TNNI3: variants seen among roughly 807,000 people sequenced by gnomAD.
The protein encoded by TNNI3 is troponin I, cardiac muscle.
Under a neutral mutation model 31.5 loss-of-function variants are expected in TNNI3, and 23 were observed. That is an observed-to-expected ratio of 0.73 (90% CI 0.52 to 1.03). The LOEUF is 1.03. Among genes scored for constraint, TNNI3 ranks in the 50% least tolerant of loss-of-function variants. The pLI is 0.00. For missense variants in TNNI3, 236 were observed against 282.9 expected, an observed-to-expected ratio of 0.83 and a Z score of 1.19; for synonymous variants, 120 against 111.7, an observed-to-expected ratio of 1.07 and a Z score of -0.47.
At position 55,154,099 on chromosome 19, in the gene TNNI3, C is replaced by A; in HGVS notation, c.480G>T (p.Gly160=). 1 of 1,613,198 alleles carries A rather than the reference C, an allele frequency of 6.2e-7. No homozygotes were observed. ...GGTCCAGGGACTCCTTAGCCCGGGC[C>A]CCCAGCAGCGCCTGCATCATGGCAT... The part of the protein sequence containing the change: ...SADAMMQALL[G]ARAKESLDLR... Residue 160 remains glycine (G), a synonymous_variant, in exon 7 of 8, where the codon GGG becomes GGT. Transcript: ENST00000344887.
intron 6 of TNNI3, 129 bp downstream of exon 6, chr19:55,154,612 G>T: frequency 3.7e-6 from 3 of 821,106 alleles, no homozygotes; most frequent in Non-Finnish European, 6.3e-6. Context: ...CCCCAGCCCT[G>T]CCAGGCTCAC....
intron 6 of TNNI3, chr19:55,154,433 G>A: frequency 1.6e-6 from 1 of 627,640 alleles, no homozygotes; most frequent in Non-Finnish European, 2.8e-6. Context: ...ACCTGGTCCA[G>A]CTACATGCAA....
chr19:55,156,370 G>T lies in TNNI3; in HGVS notation c.151-38C>A. On this transcript the variant is annotated intron_variant, in intron 4 of 7. Coordinates refer to ENST00000344887, the MANE Select transcript of TNNI3 (RefSeq NM_000363.5). The surrounding 1 kb of genome is among the most constrained non-coding windows in gnomAD (Gnocchi z 4.6). ...GGGAGGGAAGCGCAGCCCACCCGGG[G>T]CTTCAGGATAAAGACCAGGCGTGGG... The T allele has an allele frequency of 1.3e-6, 2 of 1,594,670 alleles. No individual in the cohort carries two copies. The highest frequency in any genetic ancestry group is 1.7e-6 in the Non-Finnish European group (2 of 1,171,380).
Position 55,156,266 on chromosome 19 carries a change from C to G in TNNI3, c.217G>C (p.Gly73Arg), listed in dbSNP as rs1170054667. 1.9e-6 allele frequency: 3 copies of G among 1,611,982 alleles called. No individual in the cohort carries two copies. The highest frequency in any genetic ancestry group is 4.5e-5 in the East Asian group (2 of 44,864). Residue 73 changes from glycine (G) to arginine (R), a missense_variant, in exon 5 of 8, where the codon GGG becomes CGG. By Grantham distance (125) the Gly-to-Arg change is moderately radical (BLOSUM62 -2). Coordinates refer to ENST00000344887, the MANE Select transcript of TNNI3 (RefSeq NM_000363.5). This position sits in a 1 kb window ranked among gnomAD's most constrained non-coding sequence, Gnocchi z 4.6. ...TGGCAGCGGGTGCTCAGAGCGCGCC[C>G]CTTCTCTCCGCGCCGCTCCTCCGCC... ...REAEERRGEK[G>R]RALSTRCQPL...
At position 55,157,414 on chromosome 19, in the gene TNNI3, C is replaced by G. The variant is rs1041611904; in HGVS notation, c.12-106G>C. ...ACAAGAGGTCGGGGGACCGCGCTTC[C>G]CCTTCCTTGGGTTCCAGGAGTCTGA... is the stretch of plus-strand genomic sequence containing the variant. On this transcript the variant is annotated intron_variant, in intron 1 of 7. Transcript: ENST00000344887. The surrounding 1 kb of genome is among the most constrained non-coding windows in gnomAD (Gnocchi z 6.3). 2 of 1,598,816 alleles carry G rather than the reference C, an allele frequency of 1.3e-6. No individual in the cohort carries two copies. Among genetic ancestry groups the G allele is most frequent in the Non-Finnish European group, 1.7e-6 (2 of 1,168,182 alleles).
Position 55,157,337 on chromosome 19 carries a change from T to G in TNNI3, c.12-29A>C, listed in dbSNP as rs767792444. 6.2e-7 allele frequency: 1 copy of G among 1,600,732 alleles called. No homozygotes were observed. Among genetic ancestry groups the G allele is most frequent in the Non-Finnish European group, 8.5e-7 (1 of 1,178,348 alleles). On this transcript the variant is annotated intron_variant, in intron 1 of 7. Coordinates refer to ENST00000344887, the MANE Select transcript of TNNI3 (RefSeq NM_000363.5). This position sits in a 1 kb window ranked among gnomAD's most constrained non-coding sequence, Gnocchi z 6.3. ...GAAGGAGAGAAACCAAGGAGGGGGG[T>G]TAGTGGTGGGCTGTGTCCTGTCTCC...
chr19:55,156,503 C>T lies in TNNI3; in HGVS notation c.150+100G>A. 1 of 1,523,480 alleles carries T rather than the reference C, an allele frequency of 6.6e-7. No homozygotes were observed. The highest frequency in any genetic ancestry group is 8.9e-7 in the Non-Finnish European group (1 of 1,125,068). 94.4% of individuals were successfully genotyped at this position (1,523,480 alleles called of 1,614,324 possible). ...TAAAGCCACGCCCCGAGCGGCCAAA[C>T]CCCGCCCACTTCCGCCCACCTACCC... On this transcript the variant is annotated intron_variant, in intron 4 of 7. Transcript: ENST00000344887. This position sits in a 1 kb window ranked among gnomAD's most constrained non-coding sequence, Gnocchi z 4.6.
In TNNI3 at chr19:55,156,762, A is replaced by G. The variant is rs944132276; in HGVS notation, c.109-118T>C. 1.3e-5 allele frequency: 15 copies of G among 1,197,206 alleles called. No homozygotes were observed. Among genetic ancestry groups the G allele is most frequent in the African/African-American group, 1.5e-5 (1 of 65,618 alleles). 74.2% of individuals were successfully genotyped at this position (1,197,206 alleles called of 1,614,324 possible). A position where few individuals can be genotyped will look rare whatever the true frequency, so the allele number is the denominator to read the frequency against. On this transcript the variant is annotated intron_variant, in intron 3 of 7. Transcript: ENST00000344887. The surrounding 1 kb of genome is among the most constrained non-coding windows in gnomAD (Gnocchi z 4.6). ...CGGTCCAGATTTGGGCCCACGTCCAACTTGAGCCCTGAGTCTACGGGAGGC... is the reference window on the plus strand; with the variant it reads ...CGGTCCAGATTTGGGCCCACGTCCAGCTTGAGCCCTGAGTCTACGGGAGGC...
At chr19:55,152,000 T>A in intron 7 of TNNI3, 83 bp from the exon 8 acceptor site, 3 of 1,274,556 alleles carry the variant, frequency 2.4e-6, no homozygotes, top group Non-Finnish European at 3.4e-6. Flanking sequence ...CTCCAGCCTG[T>A]GGGGCCACTC....
At position 55,156,266 on chromosome 19, in the gene TNNI3, C is replaced by T; in HGVS notation, c.217G>A (p.Gly73Arg). 6.2e-7 allele frequency: 1 copy of T among 1,611,982 alleles called. No individual in the cohort carries two copies. Among genetic ancestry groups the T allele is most frequent in the Non-Finnish European group, 8.5e-7 (1 of 1,179,660 alleles). Residue 73 changes from glycine (G) to arginine (R), a missense_variant, in exon 5 of 8, where the codon GGG becomes AGG. Gly to Arg is a moderately radical substitution (Grantham distance 125, BLOSUM62 -2). This residue lies in a region of TNNI3 where 172 missense variants were observed against 171.8 expected (regional missense o/e 1.00). Transcript: ENST00000344887. This position sits in a 1 kb window ranked among gnomAD's most constrained non-coding sequence, Gnocchi z 4.6. The part of the protein sequence containing the change: ...REAEERRGEK[G>R]RALSTRCQPL... ...TGGCAGCGGGTGCTCAGAGCGCGCCCCTTCTCTCCGCGCCGCTCCTCCGCC... is the reference window on the plus strand; with the variant it reads ...TGGCAGCGGGTGCTCAGAGCGCGCCTCTTCTCTCCGCGCCGCTCCTCCGCC...
chr19:55,154,425 C>G, intron 6 of TNNI3: 1 of 631,992 alleles, frequency 1.6e-6, no homozygotes. Context: ...CTGGCATAAC[C>G]TGGTCCAGCT....
In TNNI3 at chr19:55,157,359, C is replaced by CTGTG. The variant is rs202087239; in HGVS notation, c.12-52_12-51insCACA. On this transcript the variant is annotated intron_variant, in intron 1 of 7. Coordinates refer to ENST00000344887, the MANE Select transcript of TNNI3 (RefSeq NM_000363.5). This position sits in a 1 kb window ranked among gnomAD's most constrained non-coding sequence, Gnocchi z 6.3. ...GGGTTAGTGGTGGGCTGTGTCCTGT[C>CTGTG]TCCTAAGGGACCCCTGGAGTCCCCT... is the stretch of plus-strand genomic sequence containing the variant. 6.2e-7 allele frequency: 1 copy of CTGTG among 1,611,258 alleles called. No individual in the cohort carries two copies. The highest frequency in any genetic ancestry group is 1.1e-5 in the South Asian group (1 of 90,810).
In TNNI3 at chr19:55,156,706, G is replaced by A. The variant is rs1265167060; in HGVS notation, c.109-62C>T. 1.3e-6 allele frequency: 2 copies of A among 1,534,302 alleles called. No homozygotes were observed. Among genetic ancestry groups the A allele is most frequent in the Non-Finnish European group, 1.8e-6 (2 of 1,131,130 alleles). On this transcript the variant is annotated intron_variant, in intron 3 of 7. Coordinates refer to ENST00000344887, the MANE Select transcript of TNNI3 (RefSeq NM_000363.5). The surrounding 1 kb of genome is among the most constrained non-coding windows in gnomAD (Gnocchi z 4.6). ...GGGGGATTCGGAGACGACGGTGGAG[G>A]GGACCTCAAGACACCCCCAGCAAAC...
Position 55,156,461 on chromosome 19 carries a change from CG to C in TNNI3, c.151-130del, listed in dbSNP as rs1429501640. 1 of 1,499,564 alleles carries C rather than the reference CG, an allele frequency of 6.7e-7. No individual in the cohort carries two copies. The highest frequency in any genetic ancestry group is 9.0e-7 in the Non-Finnish European group (1 of 1,109,122). The allele number at this position is 1,499,564 out of a possible 1,614,324, so 92.9% of individuals were successfully genotyped here. On this transcript the variant is annotated intron_variant, in intron 4 of 7. Coordinates refer to ENST00000344887, the MANE Select transcript of TNNI3 (RefSeq NM_000363.5). The surrounding 1 kb of genome is among the most constrained non-coding windows in gnomAD (Gnocchi z 4.6). ...ACTGTTCCAAGGCCCCGTCCCACCC[CG>C]AGCAGTACTCCCCGCTAAAGCCACG... is the stretch of plus-strand genomic sequence containing the variant.
rs763765485 is a variant in TNNI3 at position 55,156,570 on chromosome 19, T to C, written c.150+33A>G. 3.9e-6 allele frequency: 6 copies of C among 1,535,918 alleles called. No individual in the cohort carries two copies. Among genetic ancestry groups the C allele is most frequent in the Non-Finnish European group, 5.3e-6 (6 of 1,138,312 alleles). On this transcript the variant is annotated intron_variant, in intron 4 of 7. Transcript: ENST00000344887. The surrounding 1 kb of genome is among the most constrained non-coding windows in gnomAD (Gnocchi z 4.6). ...TCTCAAGCTCCGCCCCCTGAGCACCTGCCTGCTCTTTCCCAGTCCCGCCCG... is the reference window on the plus strand; with the variant it reads ...TCTCAAGCTCCGCCCCCTGAGCACCCGCCTGCTCTTTCCCAGTCCCGCCCG...
Position 55,151,811 on chromosome 19 carries a change from G to T in TNNI3, c.*23C>A, listed in dbSNP as rs748691187. ...TTTATTCCTCAGGGCCCTCCTCAGGGCAGGGGCAGTAGGCAGGAAGGCTCA... is the reference window on the plus strand; with the variant it reads ...TTTATTCCTCAGGGCCCTCCTCAGGTCAGGGGCAGTAGGCAGGAAGGCTCA... On this transcript the variant is annotated 3_prime_UTR_variant, in exon 8 of 8. Coordinates refer to ENST00000344887, the MANE Select transcript of TNNI3 (RefSeq NM_000363.5). The T allele has an allele frequency of 4.3e-6, 7 of 1,609,532 alleles. No individual in the cohort carries two copies. The highest frequency in any genetic ancestry group is 1.3e-5 in the African/African-American group (1 of 74,950).
In TNNI3 at chr19:55,156,551, G is replaced by T. The variant is rs887188529; in HGVS notation, c.150+52C>A. The T allele has an allele frequency of 1.0e-5, 16 of 1,540,896 alleles. No individual in the cohort carries two copies. The highest frequency in any genetic ancestry group is 1.3e-5 in the Non-Finnish European group (15 of 1,140,948). Reference sequence around the variant, plus strand: ...CCCCGAAAGCCCCACCCATTCTCAAGCTCCGCCCCCTGAGCACCTGCCTGC... The same window carrying T: ...CCCCGAAAGCCCCACCCATTCTCAATCTCCGCCCCCTGAGCACCTGCCTGC... On this transcript the variant is annotated intron_variant, in intron 4 of 7. Transcript: ENST00000344887. This position sits in a 1 kb window ranked among gnomAD's most constrained non-coding sequence, Gnocchi z 4.6.
In TNNI3 at chr19:55,156,472, C is replaced by T; in HGVS notation, c.150+131G>A. The T allele has an allele frequency of 6.7e-7, 1 of 1,501,718 alleles. No homozygotes were observed. Among genetic ancestry groups the T allele is most frequent in the Non-Finnish European group, 9.0e-7 (1 of 1,109,240 alleles). The allele number at this position is 1,501,718 out of a possible 1,614,324, so 93.0% of individuals were successfully genotyped here. On this transcript the variant is annotated intron_variant, in intron 4 of 7. Transcript: ENST00000344887. This position sits in a 1 kb window ranked among gnomAD's most constrained non-coding sequence, Gnocchi z 4.6. ...GCCCCGTCCCACCCCGAGCAGTACT[C>T]CCCGCTAAAGCCACGCCCCGAGCGG...
intron 5 of TNNI3, 42 bp from the exon 6 acceptor site, chr19:55,154,872 A>G: frequency 6.3e-7 from 1 of 1,580,896 alleles, no homozygotes; most frequent in Non-Finnish European, 8.7e-7. Context: ...GGAACCAAAA[A>G]CAGGGAGACC....
Sources: allele counts gnomAD v4.1 joint callset, GRCh38; gene constraint gnomAD v4.1.1; regional missense constraint gnomAD v4.1.1; non-coding constraint Gnocchi (gnomAD v3.1); transcripts MANE v1.5; gene names NCBI Gene and HGNC (gene_info 2026-07-23, HGNC 2026-07-21).